Variants in RAB8B observed in about 807,000 individuals in gnomAD.
RAB8B encodes the protein ras-related protein Rab-8B.
RAB8B carries 11 observed loss-of-function variants against 32.0 expected under a neutral mutation model. The observed-to-expected ratio is 0.34, with a 90% CI of 0.22 to 0.57. The LOEUF (loss-of-function observed/expected upper bound fraction) is 0.57, where lower values mean the gene tolerates loss of function less well. Among genes scored for constraint, RAB8B ranks in the 20% least tolerant of loss-of-function variants. The pLI, the probability that RAB8B is intolerant of heterozygous loss-of-function variation, is 0.86. For synonymous variants in RAB8B, 103 were observed against 89.6 expected (o/e 1.15, Z -0.85); for missense variants, 190 against 258.5 (o/e 0.73, Z 1.82).
At chr15:63,237,050 C>A (rs1174828320) in intron 1 of RAB8B, among the ~76,000 whole-genome samples, 1 of 152,148 alleles carries the variant, frequency 6.6e-6, no homozygotes, top group African/African-American at 2.4e-5. Flanking sequence ...ACCTCCAGTT[C>A]CATCCATGTT....
intron 1 of RAB8B, among the ~76,000 whole-genome samples, chr15:63,225,549 A>G (rs369014587): frequency 1.3e-5 from 2 of 152,338 alleles, no homozygotes; most frequent in East Asian, 1.9e-4. Context: ...ACACTTTCAT[A>G]TCTTAGGAAA....
At chr15:63,227,020 A>T (rs1481565825) in intron 1 of RAB8B, among the ~76,000 whole-genome samples, 2 of 152,112 alleles carry the variant, frequency 1.3e-5, no homozygotes, top group Non-Finnish European at 2.9e-5. Context: ...AGTGACAACG[A>T]CCAGAGGTCA....
intron 1 of RAB8B, among the ~76,000 whole-genome samples, chr15:63,191,228 A>G (rs1370035443): frequency 6.6e-6 from 1 of 152,256 alleles, no homozygotes; most frequent in Non-Finnish European, 1.5e-5. Context: ...TTGGGAAATA[A>G]TAGAGAGCTA....
chr15:63,236,820 T>TCAC, intron 1 of RAB8B, among the ~76,000 whole-genome samples: 1 of 152,316 alleles, frequency 6.6e-6, no homozygotes, highest in South Asian at 2.1e-4. Context: ...TTGATTATAG[T>TCAC]CACCTATTGT....
Position 63,248,018 on chromosome 15 carries a change from C to T in RAB8B, c.186-1627C>T, listed in dbSNP as rs1269375758. On this transcript the variant is annotated intron_variant, in intron 2 of 7. Coordinates refer to ENST00000321437, the MANE Select transcript of RAB8B (RefSeq NM_016530.3). The surrounding 1 kb of genome is among the most constrained non-coding windows in gnomAD (Gnocchi z 4.4). ...AAAATTACATCTTTTCTCATGATCC[C>T]CTCCTTGGGTTTCTCAGAGAAATAT... Among the ~76,000 whole-genome samples the T allele has an allele frequency of 2.6e-5, 4 of 152,186 alleles. No homozygotes were observed. The highest frequency in any genetic ancestry group is 4.4e-5 in the Non-Finnish European group (3 of 68,030).
intron 1 of RAB8B, among the ~76,000 whole-genome samples, chr15:63,241,396 G>A (rs982305539): frequency 6.6e-6 from 1 of 152,160 alleles, no homozygotes; most frequent in Non-Finnish European, 1.5e-5. Flanking sequence ...TTGGACATTG[G>A]CCTTTTAATT....
In RAB8B at chr15:63,266,689, T is replaced by C. The variant is rs547014389; in HGVS notation, c.*3070T>C. The stretch of plus-strand genomic sequence containing the variant: ...TTTAGGATAGAGCATACATGTCATA[T>C]CCAGTAGCATAAAAAAAGTATTATC... On this transcript the variant is annotated 3_prime_UTR_variant, in exon 8 of 8. Transcript: ENST00000321437. 16 of 152,660 alleles carry C rather than the reference T, an allele frequency of 1.0e-4. 2 individuals carry two copies. The highest frequency in any genetic ancestry group is 3.8e-4 in the African/African-American group (16 of 41,580). 9.5% of individuals were successfully genotyped at this position (152,660 alleles called of 1,614,324 possible). A position where few individuals can be genotyped will look rare whatever the true frequency, so the allele number is the denominator to read the frequency against.
At chr15:63,258,111 T>A (rs932875269) in intron 5 of RAB8B, among the ~76,000 whole-genome samples, 5 of 151,710 alleles carry the variant, frequency 3.3e-5, no homozygotes, top group Non-Finnish European at 7.4e-5. Flanking sequence ...TTTTTTTTTT[T>A]TTTATTTGAG....
chr15:63,209,609 G>T (rs986162236), intron 1 of RAB8B, among the ~76,000 whole-genome samples: 8 of 151,996 alleles, frequency 5.3e-5, no homozygotes, highest in African/African-American at 1.9e-4. Context: ...AAATAAGAAA[G>T]AAATAATTTG....
chr15:63,224,308 A>G (rs1595740764), intron 1 of RAB8B, among the ~76,000 whole-genome samples: 1 of 152,228 alleles, frequency 6.6e-6, no homozygotes, highest in Non-Finnish European at 1.5e-5. Flanking sequence ...TTTAAAAGGT[A>G]TTCTTCAAAT....
intron 6 of RAB8B, 65 bp from the exon 7 acceptor site, chr15:63,262,627 A>G (rs199806491): frequency 3.5e-4 from 35 of 99,004 alleles, no homozygotes; most frequent in Middle Eastern, 3.2e-3. Context: ...ATATATGTGT[A>G]TATATATATA....
rs149765504 is a variant in RAB8B at position 63,245,801 on chromosome 15, A to G, written c.185+985A>G. Among the ~76,000 whole-genome samples, 639 of 152,372 alleles carry G rather than the reference A, an allele frequency of 4.2e-3. 3 individuals carry two copies. Among genetic ancestry groups the G allele is most frequent in the African/African-American group, 0.014 (567 of 41,596 alleles). ...TATCTTGGGGATGGGACCCAAGTCT[A>G]AACACGAAATTCATTTATGTTTCAT... On this transcript the variant is annotated intron_variant, in intron 2 of 7. Coordinates refer to ENST00000321437, the MANE Select transcript of RAB8B (RefSeq NM_016530.3).
At chr15:63,191,216 G>C (rs1276310732) in intron 1 of RAB8B, among the ~76,000 whole-genome samples, 1 of 152,108 alleles carries the variant, frequency 6.6e-6, no homozygotes, top group Non-Finnish European at 1.5e-5. Flanking sequence ...TGAATTTCTG[G>C]GTTGGGAAAT....
intron 1 of RAB8B, among the ~76,000 whole-genome samples, chr15:63,239,520 C>G (rs1466962903): frequency 1.4e-5 from 2 of 147,820 alleles, no homozygotes; most frequent in African/African-American, 2.5e-5. Flanking sequence ...TCAAGTGATT[C>G]ATTTTCCTGC....
chr15:63,206,312 G>T (rs910904556), intron 1 of RAB8B, among the ~76,000 whole-genome samples: 2 of 152,044 alleles, frequency 1.3e-5, no homozygotes, highest in African/African-American at 4.8e-5. Flanking sequence ...AGAAGGCCCT[G>T]AGTAAATGTT....
At chr15:63,207,830 C>G (rs915294888) in intron 1 of RAB8B, among the ~76,000 whole-genome samples, 5 of 152,154 alleles carry the variant, frequency 3.3e-5, no homozygotes, top group Admixed American at 3.3e-4. Flanking sequence ...TTCCAAAGTG[C>G]TGGGATTACA....
At chr15:63,240,197 A>C (rs1401491435) in intron 1 of RAB8B, among the ~76,000 whole-genome samples, 1 of 152,180 alleles carries the variant, frequency 6.6e-6, no homozygotes, top group African/African-American at 2.4e-5. Flanking sequence ...TACCACAGGG[A>C]TTGTTGCAAG....
chr15:63,243,872 G>T (rs1489907416), intron 1 of RAB8B, among the ~76,000 whole-genome samples: 1 of 152,198 alleles, frequency 6.6e-6, no homozygotes, highest in Non-Finnish European at 1.5e-5. Context: ...AGCATCTGGT[G>T]AGGACCTTCA....
At chr15:63,237,364 G>C (rs577649397) in intron 1 of RAB8B, among the ~76,000 whole-genome samples, 2 of 152,252 alleles carry the variant, frequency 1.3e-5, no homozygotes, top group East Asian at 3.9e-4. Context: ...AGTGTGCAAG[G>C]GTTCCCTTTT....
Sources: allele counts gnomAD v4.1 joint callset (sites outside exome capture counted in the v4.1 genomes callset), GRCh38; gene constraint gnomAD v4.1.1; non-coding constraint Gnocchi (gnomAD v3.1); transcripts MANE v1.5; gene names NCBI Gene and HGNC (gene_info 2026-07-23, HGNC 2026-07-21).